The following OCIAD2 variants were observed in gnomAD, a reference collection of about 807,000 sequenced individuals.
OCIAD2 encodes the protein OCIA domain containing 2, also known as OCIA domain-containing protein 2.
A neutral mutation model predicts 22.9 loss-of-function variants in OCIAD2; 29 were observed. That is an observed-to-expected ratio of 1.27 (90% CI 0.94 to 1.73). OCIAD2 has a LOEUF of 1.73. Ranked by LOEUF, OCIAD2 falls within the 40% of genes most tolerant of loss-of-function variation. The probability of loss-of-function intolerance (pLI) is 0.00; values close to 1 mark genes in which losing one functional copy is unlikely to be tolerated. For missense variants in OCIAD2, 189 were observed against 180.3 expected (o/e 1.05, Z -0.28); for synonymous variants, 67 against 60.2 (o/e 1.11, Z -0.52).
chr4:48,904,642 A>G (rs1781490308), intron 1 of OCIAD2, 31 bp from the exon 2 acceptor site: 2 of 1,111,894 alleles, frequency 1.8e-6, no homozygotes, highest in South Asian at 2.5e-5. Context: ...TCACTATGCC[A>G]TGACTAAATG....
chr4:48,891,811 C>T (rs1182374110), intron 6 of OCIAD2, among the ~76,000 whole-genome samples: 1 of 152,170 alleles, frequency 6.6e-6, no homozygotes, highest in Non-Finnish European at 1.5e-5. Flanking sequence ...GGTGGCCTTG[C>T]TTCTTGTAAT....
intron 6 of OCIAD2, among the ~76,000 whole-genome samples, chr4:48,889,902 T>C (rs918027076): frequency 6.6e-6 from 1 of 152,162 alleles, no homozygotes; most frequent in African/African-American, 2.4e-5. Context: ...GTGGCACATA[T>C]ACACCTTGGA....
At chr4:48,895,414 C>T (rs114324709) in intron 4 of OCIAD2, among the ~76,000 whole-genome samples, 57 of 152,320 alleles carry the variant, frequency 3.7e-4, no homozygotes, top group African/African-American at 1.3e-3. Context: ...CAGAAGTTCA[C>T]TTGGCTCACA....
chr4:48,894,572 A>T (rs1246624104), intron 4 of OCIAD2, among the ~76,000 whole-genome samples: 1 of 152,226 alleles, frequency 6.6e-6, no homozygotes, highest in Non-Finnish European at 1.5e-5. Flanking sequence ...GGCAAATTAC[A>T]AATATTAGCT....
intron 2 of OCIAD2, among the ~76,000 whole-genome samples, chr4:48,902,298 C>T (rs934162596): frequency 1.1e-4 from 17 of 152,128 alleles, no homozygotes; most frequent in Non-Finnish European, 2.2e-4. Context: ...TACAGATGGT[C>T]ACCATTTCTT....
At chr4:48,904,349 C>A in intron 2 of OCIAD2, 135 bp downstream of exon 2, 1 of 800,506 alleles carries the variant, frequency 1.2e-6, no homozygotes. Flanking sequence ...AAGTGAGAAG[C>A]TCAAGTAGGA....
chr4:48,899,883 C>T lies in OCIAD2; in HGVS notation c.109G>A (p.Ala37Thr), dbSNP rs1286680858. ...CPKSKLHIHR[A>T]EISKIMRECQ... is the part of the protein sequence containing the mutation. ...TCTCGCATAATCTTTGAGATCTCTG[C>T]TCTGTGGATGTGCAGTTTTGATTTT... The change falls in exon 3 of 7, where the codon GCA becomes ACA. Residue 37 changes from alanine to threonine, a missense_variant. Coordinates refer to ENST00000508632, the MANE Select transcript of OCIAD2 (RefSeq NM_001014446.3). 1 of 1,613,914 alleles carries T rather than the reference C, an allele frequency of 6.2e-7. No individual in the cohort carries two copies.
rs6849135 is a variant in OCIAD2, at chr4:48,891,648, C to T, written c.383+1124G>A. 3.1e-3 allele frequency among the ~76,000 whole-genome samples: 476 copies of T among 152,328 alleles called. 1 individual carries two copies. Among genetic ancestry groups the T allele is most frequent in the African/African-American group, 0.011 (446 of 41,566 alleles). Reference sequence around the variant, plus strand: ...AAGAGGAAGAGGAAGAGGAAGCAGTCCTTTCCTTTACTTGTGCTACTTTTT... The same window carrying T: ...AAGAGGAAGAGGAAGAGGAAGCAGTTCTTTCCTTTACTTGTGCTACTTTTT... On this transcript the variant is annotated intron_variant, in intron 6 of 6. Coordinates refer to ENST00000508632, the MANE Select transcript of OCIAD2 (RefSeq NM_001014446.3).
intron 1 of OCIAD2, among the ~76,000 whole-genome samples, chr4:48,906,301 G>T (rs1781524213): frequency 6.6e-6 from 1 of 152,150 alleles, no homozygotes. Flanking sequence ...GCTGACCGAC[G>T]AATGTGCGGA....
chr4:48,903,025 C>T (rs1781448695), intron 2 of OCIAD2, among the ~76,000 whole-genome samples: 2 of 152,172 alleles, frequency 1.3e-5, no homozygotes, highest in Non-Finnish European at 2.9e-5. Context: ...TTCACAGAGG[C>T]AACTCAGGTG....
intron 6 of OCIAD2, among the ~76,000 whole-genome samples, chr4:48,887,434 T>A (rs1781023635): frequency 6.6e-6 from 1 of 152,232 alleles, no homozygotes; most frequent in Admixed American, 6.5e-5. Context: ...CTGAATGGTA[T>A]TGCCTAGGTT....
At chr4:48,893,856 T>A (rs1346914666) in intron 5 of OCIAD2, 150 bp downstream of exon 5, 4 of 369,792 alleles carry the variant, frequency 1.1e-5, no homozygotes, top group African/African-American at 2.1e-5. Context: ...TATTACTTTT[T>A]AAAAAAATAG....
Position 48,894,028 on chromosome 4 carries a change from A to C in OCIAD2, c.243T>G (p.Phe81Leu), listed in dbSNP as rs372377058. 3 of 1,510,966 alleles carry C rather than the reference A, an allele frequency of 2.0e-6. No individual in the cohort carries two copies. The Admixed American group carries it at 5.8e-5, about 29-fold the overall frequency. The allele number at this position is 1,510,966 out of a possible 1,614,324, so 93.6% of individuals were successfully genotyped here. ...TACGTGCAACTTTGGGCAATGATCCAAATCTAGAATTAGCTGCCAAATAAC... is the reference window on the plus strand; with the variant it reads ...TACGTGCAACTTTGGGCAATGATCCCAATCTAGAATTAGCTGCCAAATAAC... ...YQGYLAANSR[F>L]GSLPKVALAG... The change falls in exon 5 of 7, where the codon TTT becomes TTG. Residue 81 changes from phenylalanine to leucine, a missense_variant. Coordinates refer to ENST00000508632, the MANE Select transcript of OCIAD2 (RefSeq NM_001014446.3).
chr4:48,890,090 A>C (rs1390082776), intron 6 of OCIAD2, among the ~76,000 whole-genome samples: 1 of 114,458 alleles, frequency 8.7e-6, no homozygotes, highest in African/African-American at 3.4e-5. Flanking sequence ...GGAACATTAC[A>C]TACCGGGGCT....
intron 6 of OCIAD2, among the ~76,000 whole-genome samples, chr4:48,886,864 G>C (rs1781003900): frequency 6.6e-6 from 1 of 152,178 alleles, no homozygotes; most frequent in African/African-American, 2.4e-5. Context: ...CCAGTAATGG[G>C]ATGGCTGGGT....
At chr4:48,894,101 A>ATTATAAG (rs1382789795) in intron 4 of OCIAD2, 48 bp from the exon 5 acceptor site, 1 of 964,462 alleles carries the variant, frequency 1.0e-6, no homozygotes, top group African/African-American at 1.7e-5. Flanking sequence ...CATAAATTAA[A>ATTATAAG]TTATAAGTTA....
intron 6 of OCIAD2, among the ~76,000 whole-genome samples, chr4:48,888,795 C>A (rs1247814241): frequency 6.6e-6 from 1 of 151,994 alleles, no homozygotes; most frequent in African/African-American, 2.4e-5. Flanking sequence ...GTCTAAAATT[C>A]TCTTTTTTTT....
Position 48,885,346 on chromosome 4 carries a change from C to A in OCIAD2, c.*138G>T, listed in dbSNP as rs1780950652. 1.4e-6 allele frequency: 1 copy of A among 692,056 alleles called. No individual in the cohort carries two copies. Among genetic ancestry groups the A allele is most frequent in the Admixed American group, 2.3e-5 (1 of 44,180 alleles). The allele number at this position is 692,056 out of a possible 1,614,324, so 42.9% of individuals were successfully genotyped here. On this transcript the variant is annotated 3_prime_UTR_variant, in exon 7 of 7. Coordinates refer to ENST00000508632, the MANE Select transcript of OCIAD2 (RefSeq NM_001014446.3). ...AACGCTTAGTTCACTTGAAAGCCTT[C>A]CACGGAATACATTTCAGTGAGTGAC...
Position 48,891,742 on chromosome 4 carries a change from A to G in OCIAD2, c.383+1030T>C, listed in dbSNP as rs538034235. 2.0e-5 allele frequency among the ~76,000 whole-genome samples: 3 copies of G among 152,280 alleles called. No individual in the cohort carries two copies. In the East Asian group the frequency reaches 5.8e-4, roughly 29 times the overall value. On this transcript the variant is annotated intron_variant, in intron 6 of 6. Coordinates refer to ENST00000508632, the MANE Select transcript of OCIAD2 (RefSeq NM_001014446.3). ...CTCAGCAAGCTGACTCTAAAACACA[A>G]CTTTGCAAGGATGGACTGAAGTTGG...
Sources: allele counts gnomAD v4.1 joint callset (sites outside exome capture counted in the v4.1 genomes callset), GRCh38; gene constraint gnomAD v4.1.1; transcripts MANE v1.5; gene names NCBI Gene and HGNC (gene_info 2026-07-23, HGNC 2026-07-21).